Variants in NFIB observed in about 807,000 individuals in gnomAD.
NFIB encodes the protein nuclear factor 1 B-type.
A neutral mutation model predicts 61.5 loss-of-function variants in NFIB; 11 were observed. That is an observed-to-expected ratio of 0.18 (90% CI 0.11 to 0.30). NFIB has a LOEUF of 0.30. NFIB is among the 10% of genes least tolerant of loss of function. The probability of loss-of-function intolerance (pLI) is 1.00; values close to 1 mark genes in which losing one functional copy is unlikely to be tolerated. For synonymous variants in NFIB, 260 were observed against 216.5 expected, an observed-to-expected ratio of 1.20 and a Z score of -1.76; for missense variants, 471 against 608.9, an observed-to-expected ratio of 0.77 and a Z score of 2.38.
chr9:14,177,007 C>G (rs777755243), intron 3 of NFIB, among the ~76,000 whole-genome samples: 1 of 152,136 alleles, frequency 6.6e-6, no homozygotes, highest in Admixed American at 6.5e-5. Flanking sequence ...TGCACATCTC[C>G]CAGTGGAAAA....
chr9:14,371,478 G>A (rs1336432093), intron 1 of NFIB, among the ~76,000 whole-genome samples: 1 of 152,178 alleles, frequency 6.6e-6, no homozygotes, highest in African/African-American at 2.4e-5. Flanking sequence ...TCTGCCACTA[G>A]TTACTTGGGT....
intron 2 of NFIB, among the ~76,000 whole-genome samples, chr9:14,186,823 T>C (rs1352298952): frequency 6.6e-6 from 1 of 152,142 alleles, no homozygotes; most frequent in Non-Finnish European, 1.5e-5. Context: ...GAAGGTTGCT[T>C]CATTGCTTTG....
chr9:14,433,144 C>T, the NFIB span, among the ~76,000 whole-genome samples: 4 of 152,110 alleles, frequency 2.6e-5, no homozygotes, highest in Non-Finnish European at 5.9e-5. Flanking sequence ...TTACAGTTGA[C>T]ATTTTCAGGC....
At chr9:14,429,286 C>T in the NFIB span, among the ~76,000 whole-genome samples, 1 of 152,158 alleles carries the variant, frequency 6.6e-6, no homozygotes. Flanking sequence ...ATATACATCC[C>T]CTTACCTAAT....
chr9:14,236,137 T>G (rs776139211), intron 2 of NFIB, among the ~76,000 whole-genome samples: 2 of 152,218 alleles, frequency 1.3e-5, no homozygotes, highest in Non-Finnish European at 1.5e-5. Context: ...CAAAGACATG[T>G]GTACGCATTA....
At chr9:14,205,160 T>C (rs988724002) in intron 2 of NFIB, 1 of 80,136 alleles carries the variant, frequency 1.2e-5, no homozygotes, top group African/African-American at 5.9e-5. Context: ...ATCAGATACA[T>C]AGTCTCTGTG....
chr9:14,397,494 T>C (rs2061698482), intron 1 of NFIB, among the ~76,000 whole-genome samples: 1 of 152,146 alleles, frequency 6.6e-6, no homozygotes, highest in African/African-American at 2.4e-5. Flanking sequence ...CTTTATAAAC[T>C]GTAAAATGGG....
chr9:14,453,999 A>G, the NFIB span, among the ~76,000 whole-genome samples: 1 of 151,434 alleles, frequency 6.6e-6, no homozygotes, highest in Non-Finnish European at 1.5e-5. Flanking sequence ...AATCGCTTGA[A>G]CCCGGGAGGC....
At chr9:14,284,420 A>C (rs535886299) in intron 2 of NFIB, among the ~76,000 whole-genome samples, 1 of 152,292 alleles carries the variant, frequency 6.6e-6, no homozygotes, top group East Asian at 1.9e-4. Flanking sequence ...GAAACCAAAA[A>C]AATGAATGTA....
intron 1 of NFIB, among the ~76,000 whole-genome samples, chr9:14,396,783 CT>C (rs773092991): frequency 5.3e-5 from 8 of 152,156 alleles, no homozygotes; most frequent in Non-Finnish European, 7.4e-5. Context: ...TGCTGAACTC[CT>C]AAAGAAAATG....
intron 2 of NFIB, chr9:14,180,811 C>G (rs745717550): frequency 6.6e-6 from 1 of 152,344 alleles, no homozygotes; most frequent in African/African-American, 2.4e-5. Flanking sequence ...ATGCACTAGG[C>G]TTGCAGTAAA....
intron 2 of NFIB, among the ~76,000 whole-genome samples, 167 bp downstream of exon 2, chr9:14,306,822 G>A (rs1025149342): frequency 1.5e-4 from 23 of 152,200 alleles, no homozygotes; most frequent in Admixed American, 4.6e-4. Context: ...TACATGGCTC[G>A]CACATGGCAG....
At chr9:14,276,079 G>A (rs1272927556) in intron 2 of NFIB, among the ~76,000 whole-genome samples, 2 of 152,064 alleles carry the variant, frequency 1.3e-5, no homozygotes, top group African/African-American at 2.4e-5. Context: ...ATACTGCAGG[G>A]GTTTTTTGTT....
At chr9:14,283,102 C>A (rs554835224) in intron 2 of NFIB, among the ~76,000 whole-genome samples, 24 of 152,302 alleles carry the variant, frequency 1.6e-4, no homozygotes, top group African/African-American at 5.8e-4. Flanking sequence ...TAAATAACCA[C>A]ATAAATATCA....
At chr9:14,134,342 G>A (rs2040752779) in intron 6 of NFIB, among the ~76,000 whole-genome samples, 1 of 152,132 alleles carries the variant, frequency 6.6e-6, no homozygotes. Context: ...CAGTAGGAAT[G>A]TATTTATTCC....
At chr9:14,308,671 T>C (rs867443621) in intron 1 of NFIB, among the ~76,000 whole-genome samples, 1 of 99,376 alleles carries the variant, frequency 1.0e-5, no homozygotes, top group Non-Finnish European at 2.8e-5. Context: ...AGATGAATTA[T>C]CAGTTAGAAC....
intron 2 of NFIB, among the ~76,000 whole-genome samples, chr9:14,215,490 G>A (rs1264418738): frequency 2.0e-5 from 3 of 152,146 alleles, no homozygotes; most frequent in Non-Finnish European, 4.4e-5. Context: ...ATATGGTCCT[G>A]AAAATCCTCG....
At chr9:14,376,734 T>C (rs1338613970) in intron 1 of NFIB, among the ~76,000 whole-genome samples, 1 of 152,044 alleles carries the variant, frequency 6.6e-6, no homozygotes, top group East Asian at 1.9e-4. Context: ...GCCAGGCTGA[T>C]CTCAAATTCC....
At chr9:14,511,637 G>A in the NFIB span, among the ~76,000 whole-genome samples, 1 of 152,114 alleles carries the variant, frequency 6.6e-6, no homozygotes, top group Non-Finnish European at 1.5e-5. Context: ...GTTGAAATCA[G>A]AACCCACACA....
Sources: gnomAD v4.1 joint callset for allele counts (sites outside exome capture counted in the v4.1 genomes callset) on GRCh38, gnomAD v4.1.1 for gene constraint, MANE v1.5 for transcripts, NCBI Gene and HGNC (gene_info 2026-07-23, HGNC 2026-07-21) for gene names.